Variants in UGT1A9 observed in about 807,000 individuals in gnomAD.
UGT1A9 encodes UDP glucuronosyltransferase family 1 member A9, also known as UDP-glucuronosyltransferase 1A9.
Under a neutral mutation model 45.0 loss-of-function variants are expected in UGT1A9, and 35 were observed. That is an observed-to-expected ratio of 0.78 (90% CI 0.59 to 1.03). UGT1A9 has a LOEUF of 1.03. Ranked by LOEUF, UGT1A9 falls within the 50% of genes least tolerant of loss-of-function variation. The pLI is 0.00. For missense variants in UGT1A9, 687 were observed against 666.6 expected (o/e 1.03, Z -0.34); for synonymous variants, 278 against 250.6 (o/e 1.11, Z -1.03).
At position 233,672,446 on chromosome 2, in the gene UGT1A9, G is replaced by T. The variant is rs750560276; in HGVS notation, c.512G>T (p.Gly171Val). Residue 171 changes from glycine to valine, a missense_variant, in exon 1 of 5, where the codon GGA (glycine) becomes GTA (valine). Physicochemically the swap from Gly to Val is moderately radical, Grantham distance 109. Transcript: ENST00000354728. ...FSLPSVVFAR[G>V]ILCHYLEEGA... ...CTCCCCTCCGTGGTCTTCGCCAGGG[G>T]AATACTTTGCCACTATCTTGAAGAA... 2.8e-5 allele frequency: 45 copies of T among 1,613,782 alleles called. No homozygotes were observed. Among genetic ancestry groups the T allele is most frequent in the African/African-American group, 4.0e-5 (3 of 74,886 alleles).
rs536544989 is a variant in UGT1A9 at position 233,747,339 on chromosome 2, C to T, written c.856-19695C>T. 4.1e-5 allele frequency: 65 copies of T among 1,603,348 alleles called. 1 individual carries two copies. The highest frequency in any genetic ancestry group is 5.4e-5 in the African/African-American group (4 of 74,450). ...TACCCATTGATGGCAGCCACTGGCT[C>T]GCATGCGGGAGGCCGTGCGGGAGCT... On this transcript the variant is annotated intron_variant, in intron 1 of 4. Transcript: ENST00000354728.
chr2:233,725,276 A>AGAGGAGGCAGAGGCAGAG (rs1178808521), intron 1 of UGT1A9, among the ~76,000 whole-genome samples: 1 of 47,620 alleles, frequency 2.1e-5, no homozygotes, highest in Non-Finnish European at 4.2e-5. Flanking sequence ...AGGCAGAGGC[A>AGAGGAGGCAGAGGCAGAG]GAGGCAGAGG....
chr2:233,744,892 C>T (rs28900378), intron 1 of UGT1A9, among the ~76,000 whole-genome samples: 4,281 of 151,940 alleles, frequency 0.028, 301 homozygotes, highest in African/African-American at 0.097. Context: ...ACCCTCCTCT[C>T]CATACCAAAA....
intron 1 of UGT1A9, among the ~76,000 whole-genome samples, chr2:233,761,451 T>A (rs1697772637): frequency 6.6e-6 from 1 of 152,220 alleles, no homozygotes; most frequent in South Asian, 2.1e-4. Context: ...ATGCTGGGTT[T>A]GGGGCACCCT....
chr2:233,729,506 C>G lies in UGT1A9; in HGVS notation c.856-37528C>G, dbSNP rs192895083. ...AATATGTCTTTGGTCTATCATAGGT[C>G]TTGTGTGGAGCTACTACATAATGAG... On this transcript the variant is annotated intron_variant, in intron 1 of 4. Transcript: ENST00000354728. The G allele has an allele frequency of 6.7e-5, 108 of 1,614,162 alleles. No homozygotes were observed. Among genetic ancestry groups the G allele is most frequent in the Non-Finnish European group, 8.6e-5 (102 of 1,180,030 alleles).
At chr2:233,741,260 G>T (rs1242600336) in intron 1 of UGT1A9, among the ~76,000 whole-genome samples, 1 of 151,812 alleles carries the variant, frequency 6.6e-6, no homozygotes, top group Non-Finnish European at 1.5e-5. Context: ...GCCACTCTTT[G>T]CTGACCACTG....
In UGT1A9 at chr2:233,769,517, G is replaced by T; in HGVS notation, c.1295+1078G>T. 6.2e-7 allele frequency: 1 copy of T among 1,612,844 alleles called. No homozygotes were observed. The highest frequency in any genetic ancestry group is 8.5e-7 in the Non-Finnish European group (1 of 1,179,874). On this transcript the variant is annotated intron_variant, in intron 4 of 4. Transcript: ENST00000354728. The surrounding 1 kb of genome is among the most constrained non-coding windows in gnomAD (Gnocchi z 4.4). ...AGAGTGTCCATTGCTTTCTCCCATGGTTACCTCCTTTAGAAAGAAGCAGCA... is the reference window on the plus strand; with the variant it reads ...AGAGTGTCCATTGCTTTCTCCCATGTTTACCTCCTTTAGAAAGAAGCAGCA...
intron 1 of UGT1A9, among the ~76,000 whole-genome samples, chr2:233,695,570 C>A (rs1024150406): frequency 6.6e-6 from 1 of 151,936 alleles, no homozygotes; most frequent in Non-Finnish European, 1.5e-5. Flanking sequence ...TTTCACCCCC[C>A]CTTCCCTACT....
intron 1 of UGT1A9, among the ~76,000 whole-genome samples, chr2:233,723,457 G>T (rs1279798549): frequency 7.3e-6 from 1 of 136,216 alleles, no homozygotes; most frequent in African/African-American, 2.9e-5. Flanking sequence ...TGATCCACCC[G>T]CCTCAGCCTC....
Position 233,768,074 on chromosome 2 carries a change from G to A in UGT1A9, c.1075+138G>A. ...CCTACATTGCTTTTTATCTAGTGGG[G>A]TATCTCAACCCACATTTTCTTCTGC... On this transcript the variant is annotated intron_variant, in intron 3 of 4. Transcript: ENST00000354728. The A allele has an allele frequency of 5.0e-6, 8 of 1,593,840 alleles. No homozygotes were observed. In the South Asian group the frequency reaches 5.6e-5, roughly 11 times the overall value.
intron 1 of UGT1A9, chr2:233,693,935 C>T (rs2075189717): frequency 6.2e-7 from 1 of 1,605,500 alleles, no homozygotes; most frequent in Non-Finnish European, 8.5e-7. Flanking sequence ...TCATTTGGCT[C>T]CTTGAGCCGA....
chr2:233,718,671 G>A (rs2125661648), intron 1 of UGT1A9: 2 of 1,551,780 alleles, frequency 1.3e-6, no homozygotes, highest in Non-Finnish European at 1.7e-6. Flanking sequence ...ATAGATTAAT[G>A]GGTAATAAGT....
intron 1 of UGT1A9, among the ~76,000 whole-genome samples, chr2:233,673,431 G>A (rs17862856): frequency 0.19 from 28,327 of 151,926 alleles, 2,802 homozygotes; most frequent in Non-Finnish European, 0.23. Context: ...GAATAGGGCC[G>A]TGTAAACACT....
intron 1 of UGT1A9, chr2:233,682,648 C>T: frequency 6.2e-7 from 1 of 1,613,878 alleles, no homozygotes; most frequent in South Asian, 1.1e-5. Context: ...TTCTCCAAAC[C>T]CCTGTCACGG....
At chr2:233,742,488 T>A (rs1480874171) in intron 1 of UGT1A9, among the ~76,000 whole-genome samples, 1 of 151,938 alleles carries the variant, frequency 6.6e-6, no homozygotes, top group African/African-American at 2.4e-5. Context: ...ACCTTCAGCA[T>A]AGGCATCATG....
At chr2:233,709,996 TA>T (rs2076102757) in intron 1 of UGT1A9, among the ~76,000 whole-genome samples, 5 of 152,236 alleles carry the variant, frequency 3.3e-5, no homozygotes, top group African/African-American at 9.6e-5. Flanking sequence ...AATGGAATCA[TA>T]CAATTATGAA....
Position 233,748,142 on chromosome 2 carries a change from T to C in UGT1A9, c.856-18892T>C, listed in dbSNP as rs189249427. 1.9e-6 allele frequency: 3 copies of C among 1,607,776 alleles called. No homozygotes were observed. In the East Asian group the frequency reaches 6.7e-5, roughly 36 times the overall value. On this transcript the variant is annotated intron_variant, in intron 1 of 4. Coordinates refer to ENST00000354728, the MANE Select transcript of UGT1A9 (RefSeq NM_021027.3). ...CAAAACAGTTTTTAAAAATTGTATT[T>C]ACTTACAATTGCTTCCATATCTACT...
intron 1 of UGT1A9, among the ~76,000 whole-genome samples, chr2:233,716,394 G>A (rs2076503036): frequency 1.3e-5 from 2 of 152,226 alleles, no homozygotes; most frequent in Admixed American, 6.5e-5. Context: ...CAGACACTAA[G>A]CTTAAAGTGA....
chr2:233,769,633 G>A lies in UGT1A9; in HGVS notation c.1295+1194G>A. ...ACCAGCTTGAGCAAGGGACAACAGG[G>A]GAGGACTGATGACTGACTTCCCACC... On this transcript the variant is annotated intron_variant, in intron 4 of 4. Transcript: ENST00000354728. The surrounding 1 kb of genome is among the most constrained non-coding windows in gnomAD (Gnocchi z 4.4). The A allele has an allele frequency of 1.2e-6, 2 of 1,611,454 alleles. No individual in the cohort carries two copies. Among genetic ancestry groups the A allele is most frequent in the East Asian group, 4.5e-5 (2 of 44,858 alleles).
Sources: gnomAD v4.1 joint callset for allele counts (sites outside exome capture counted in the v4.1 genomes callset) on GRCh38, gnomAD v4.1.1 for gene constraint, Gnocchi (gnomAD v3.1) non-coding constraint, MANE v1.5 for transcripts, NCBI Gene and HGNC (gene_info 2026-07-23, HGNC 2026-07-21) for gene names.